The following TRAPPC9 variants were observed in gnomAD, a reference collection of about 807,000 sequenced individuals.
TRAPPC9 encodes trafficking protein particle complex subunit 9.
Under a neutral mutation model 124.0 loss-of-function variants are expected in TRAPPC9, and 83 were observed. The observed-to-expected ratio is 0.67, with a 90% confidence interval of 0.56 to 0.80. TRAPPC9 has a LOEUF of 0.80. TRAPPC9 is among the 30% of genes least tolerant of loss of function. The probability of loss-of-function intolerance (pLI) is 0.00; values close to 1 mark genes in which losing one functional copy is unlikely to be tolerated. For missense variants in TRAPPC9, 1,302 were observed against 1,508.3 expected (o/e 0.86, Z 2.27); for synonymous variants, 638 against 617.5 (o/e 1.03, Z -0.49).
chr8:139,929,578 T>G (rs531991974), intron 19 of TRAPPC9, among the ~76,000 whole-genome samples: 41 of 152,062 alleles, frequency 2.7e-4, no homozygotes, highest in African/African-American at 9.7e-4. Context: ...TTGGCTTTGG[T>G]TTTCTCTCCA....
At chr8:140,317,435 C>G (rs946974105) in intron 9 of TRAPPC9, among the ~76,000 whole-genome samples, 1 of 152,102 alleles carries the variant, frequency 6.6e-6, no homozygotes, top group Non-Finnish European at 1.5e-5. Context: ...GGTTCATATC[C>G]AGCCCCAGGC....
In TRAPPC9 at chr8:140,411,506, T is replaced by A. The variant is rs1172334803; in HGVS notation, c.887-5808A>T. Among the ~76,000 whole-genome samples the A allele has an allele frequency of 5.9e-5, 9 of 152,262 alleles. No homozygotes were observed. The East Asian group carries it at 1.7e-3, about 29-fold the overall frequency. On this transcript the variant is annotated intron_variant, in intron 5 of 22. Transcript: ENST00000438773. ...ACAGGCACCCACCACCACGCTCAGC[T>A]AATTTTTGTATTTTTAGTAGAGACG...
intron 17 of TRAPPC9, among the ~76,000 whole-genome samples, chr8:140,045,321 T>C (rs1027947218): frequency 5.9e-5 from 9 of 152,192 alleles, no homozygotes; most frequent in South Asian, 4.1e-4. Context: ...CACAAGGACC[T>C]TGGGTTTAAC....
intron 21 of TRAPPC9, among the ~76,000 whole-genome samples, chr8:139,797,964 T>C (rs536668819): frequency 6.6e-6 from 1 of 152,356 alleles, no homozygotes; most frequent in South Asian, 2.1e-4. Context: ...TTTTTCAAGA[T>C]TATTTTTGCT....
At chr8:140,060,907 C>G (rs915317275) in intron 17 of TRAPPC9, among the ~76,000 whole-genome samples, 4 of 152,210 alleles carry the variant, frequency 2.6e-5, no homozygotes, top group Non-Finnish European at 4.4e-5. Flanking sequence ...AATTCTTAGG[C>G]TCTCCAAATG....
At chr8:140,055,026 C>T (rs1326875742) in intron 17 of TRAPPC9, among the ~76,000 whole-genome samples, 3 of 152,158 alleles carry the variant, frequency 2.0e-5, no homozygotes, top group Non-Finnish European at 4.4e-5. Context: ...GAGGAGGGAA[C>T]ACTTCCAAAC....
At chr8:140,183,554 T>C (rs143320722) in intron 17 of TRAPPC9, among the ~76,000 whole-genome samples, 61 of 152,124 alleles carry the variant, frequency 4.0e-4, no homozygotes, top group African/African-American at 1.4e-3. Context: ...TTCTGCCAAT[T>C]AGAAATGGAG....
chr8:139,963,733 C>T (rs937812776), intron 19 of TRAPPC9, among the ~76,000 whole-genome samples: 14 of 129,756 alleles, frequency 1.1e-4, no homozygotes, highest in African/African-American at 4.1e-4. Context: ...GGATTCCCTC[C>T]GAGAACCAGT....
At chr8:140,263,546 G>C (rs1285768472) in intron 15 of TRAPPC9, among the ~76,000 whole-genome samples, 1 of 152,220 alleles carries the variant, frequency 6.6e-6, no homozygotes, top group East Asian at 1.9e-4. Flanking sequence ...AATGGCAGCA[G>C]CATCAAAGAT....
rs1587700382 is a variant in TRAPPC9 at position 140,097,815 on chromosome 8, T to C, written c.2557-73736A>G. 1 of 151,892 alleles carries C rather than the reference T, an allele frequency of 6.6e-6. No individual in the cohort carries two copies. Among genetic ancestry groups the C allele is most frequent in the Non-Finnish European group, 1.5e-5 (1 of 67,998 alleles). The allele number at this position is 151,892 out of a possible 1,614,324, so 9.4% of individuals were successfully genotyped here. ...CGCAGCTGTGCCGCTGCTCCCAGGG[T>C]CATGACGCCTACCCAGGTCCTTAGT... On this transcript the variant is annotated intron_variant, in intron 17 of 22. Coordinates refer to ENST00000438773, the MANE Select transcript of TRAPPC9 (RefSeq NM_001160372.4). This position sits in a 1 kb window ranked among gnomAD's most constrained non-coding sequence, Gnocchi z 4.2.
At chr8:140,312,279 CAG>C (rs2066317669) in intron 9 of TRAPPC9, among the ~76,000 whole-genome samples, 1 of 152,160 alleles carries the variant, frequency 6.6e-6, no homozygotes, top group African/African-American at 2.4e-5. Context: ...ATGGGGAAGA[CAG>C]AGGACTTGGA....
chr8:139,931,586 G>C, intron 19 of TRAPPC9: 1 of 152,220 alleles, frequency 6.6e-6, no homozygotes, highest in East Asian at 1.9e-4. Flanking sequence ...GAGCCTCTGG[G>C]CCCCGCGGTC....
chr8:139,801,494 T>C (rs1024189316), intron 21 of TRAPPC9, among the ~76,000 whole-genome samples: 237 of 152,316 alleles, frequency 1.6e-3, no homozygotes, highest in African/African-American at 5.5e-3. Context: ...GCATGGTGGC[T>C]GGAGCTCCTG....
intron 19 of TRAPPC9, among the ~76,000 whole-genome samples, chr8:139,983,166 G>C (rs1223481805): frequency 6.6e-6 from 1 of 152,184 alleles, no homozygotes; most frequent in Non-Finnish European, 1.5e-5. Context: ...TGAGGACACA[G>C]TGAGAAGCCT....
chr8:140,105,328 C>G (rs1337390595), intron 17 of TRAPPC9, among the ~76,000 whole-genome samples: 1 of 152,182 alleles, frequency 6.6e-6, no homozygotes, highest in Non-Finnish European at 1.5e-5. Context: ...CAGCACTTCT[C>G]TTGAGACTTC....
chr8:140,191,445 T>A (rs1228851737), intron 17 of TRAPPC9, among the ~76,000 whole-genome samples: 1 of 152,026 alleles, frequency 6.6e-6, no homozygotes, highest in South Asian at 2.1e-4. Context: ...GAGGGACCAA[T>A]CCCTCCTGAA....
intron 12 of TRAPPC9, among the ~76,000 whole-genome samples, chr8:140,289,955 A>G (rs919399084): frequency 6.6e-6 from 1 of 152,148 alleles, no homozygotes; most frequent in Admixed American, 6.5e-5. Context: ...AGGCCTAAAC[A>G]GCATTTCAAC....
chr8:139,975,324 C>G (rs1836370786), intron 19 of TRAPPC9, among the ~76,000 whole-genome samples: 1 of 152,210 alleles, frequency 6.6e-6, no homozygotes, highest in Non-Finnish European at 1.5e-5. Context: ...CGTCAGAGCA[C>G]CTGGAGGGCC....
chr8:140,303,186 G>C (rs1008708832), intron 10 of TRAPPC9, among the ~76,000 whole-genome samples: 1 of 152,162 alleles, frequency 6.6e-6, no homozygotes, highest in Admixed American at 6.5e-5. Flanking sequence ...ACTCTCACTA[G>C]AGGATTTGGG....
Sources: gnomAD v4.1 joint callset for allele counts (sites outside exome capture counted in the v4.1 genomes callset) on GRCh38, gnomAD v4.1.1 for gene constraint, Gnocchi (gnomAD v3.1) non-coding constraint, MANE v1.5 for transcripts, NCBI Gene and HGNC (gene_info 2026-07-23, HGNC 2026-07-21) for gene names.